Variants in DAB1 observed in about 807,000 individuals in gnomAD.
The protein encoded by DAB1 is disabled homolog 1.
A neutral mutation model predicts 64.6 loss-of-function variants in DAB1; 15 were observed. The observed-to-expected ratio is 0.23, with a 90% confidence interval of 0.16 to 0.36. DAB1 has a LOEUF of 0.36. Among genes scored for constraint, DAB1 ranks in the 10% least tolerant of loss-of-function variants. DAB1 has a pLI of 1.00. For synonymous variants in DAB1, 235 were observed against 251.9 expected, an observed-to-expected ratio of 0.93 and a Z score of 0.64; for missense variants, 596 against 706.7, an observed-to-expected ratio of 0.84 and a Z score of 1.78.
intron 3 of DAB1, among the ~76,000 whole-genome samples, chr1:58,475,728 C>T (rs1239465634): frequency 6.6e-6 from 1 of 152,138 alleles, no homozygotes; most frequent in East Asian, 1.9e-4. Context: ...AAAGCATATA[C>T]ACGTTACTAT....
At chr1:57,994,870 G>A (rs933714943) in intron 5 of DAB1, among the ~76,000 whole-genome samples, 1 of 145,696 alleles carries the variant, frequency 6.9e-6, no homozygotes, top group Non-Finnish European at 1.5e-5. Flanking sequence ...AAGTGAAGCA[G>A]ACTTGTAATG....
intron 6 of DAB1, among the ~76,000 whole-genome samples, chr1:57,662,608 T>C (rs570614877): frequency 6.6e-6 from 1 of 152,212 alleles, no homozygotes; most frequent in Non-Finnish European, 1.5e-5. Context: ...AAAGCACATT[T>C]AGCATTAGGC....
chr1:57,659,029 C>T (rs1053353277), intron 6 of DAB1, among the ~76,000 whole-genome samples: 1 of 152,168 alleles, frequency 6.6e-6, no homozygotes, highest in African/African-American at 2.4e-5. Flanking sequence ...ATGAAACACC[C>T]TGTCTGTGGA....
rs138987908 is a variant in DAB1 at position 57,698,464 on chromosome 1, A to T, written n.552-48799T>A. Among the ~76,000 whole-genome samples the T allele has an allele frequency of 4.3e-4, 66 of 152,036 alleles. 1 individual carries two copies. The East Asian group carries it at 0.012, about 28-fold the overall frequency. On this transcript the variant is annotated intron_variant and non_coding_transcript_variant, in intron 6 of 20. Transcript: ENST00000485760. The stretch of plus-strand genomic sequence containing the variant: ...AACTAATGCTTTCTGCTCCTTGTGG[A>T]TTTTTTTTAGGGAGCGGCTTCATGT...
intron 1 of DAB1, among the ~76,000 whole-genome samples, chr1:57,827,640 A>C (rs374124074): frequency 2.0e-5 from 3 of 152,184 alleles, no homozygotes; most frequent in East Asian, 3.9e-4. Context: ...CTATAATGAT[A>C]ATGGGGAGGA....
rs772989513 is a variant in DAB1, at chr1:57,207,446, C to CTTTTTTTTTTTTTTTTTTTTTTT, written c.68-62018_68-62017insAAAAAAAAAAAAAAAAAAAAAAA. Among the ~76,000 whole-genome samples, 86 of 98,428 alleles carry CTTTTTTTTTTTTTTTTTTTTTTT rather than the reference C, an allele frequency of 8.7e-4. 16 individuals are homozygous for CTTTTTTTTTTTTTTTTTTTTTTT. The highest frequency in any genetic ancestry group is 2.4e-3 in the Admixed American group (20 of 8,244). 64.6% of individuals were successfully genotyped at this position (98,428 alleles called of 152,430 possible). The stretch of plus-strand genomic sequence containing the variant: ...CTGTAATTCATACCTTATTTCCTTT[C>CTTTTTTTTTTTTTTTTTTTTTTT]TTTTTTTTTTTTTTTGAGATGGAGT... On this transcript the variant is annotated intron_variant, in intron 2 of 14. Transcript: ENST00000371236.
intron 6 of DAB1, among the ~76,000 whole-genome samples, chr1:57,732,731 T>C (rs184049469): frequency 2.5e-4 from 38 of 152,122 alleles, no homozygotes; most frequent in Admixed American, 6.5e-4. Flanking sequence ...CAGGACAAAG[T>C]GAAGGTAGAA....
intron 4 of DAB1, among the ~76,000 whole-genome samples, chr1:58,216,665 A>G (rs891317580): frequency 6.6e-6 from 1 of 152,172 alleles, no homozygotes; most frequent in Non-Finnish European, 1.5e-5. Flanking sequence ...AAGCATTCCT[A>G]TTTCTCCACA....
chr1:57,834,187 C>T (rs1652708703), intron 1 of DAB1, among the ~76,000 whole-genome samples: 1 of 152,048 alleles, frequency 6.6e-6, no homozygotes, highest in Admixed American at 6.6e-5. Context: ...GCAGTAAATT[C>T]ACAGTTTTGT....
chr1:58,470,916 C>G (rs182916673), intron 3 of DAB1, among the ~76,000 whole-genome samples: 1 of 152,108 alleles, frequency 6.6e-6, no homozygotes, highest in African/African-American at 2.4e-5. Flanking sequence ...GACTTGGATC[C>G]AGGCAGAATC....
At chr1:58,310,433 T>A (rs1374660909) in intron 4 of DAB1, among the ~76,000 whole-genome samples, 1 of 152,200 alleles carries the variant, frequency 6.6e-6, no homozygotes, top group Non-Finnish European at 1.5e-5. Flanking sequence ...ATAATGTGTG[T>A]AGATTTTTCA....
Position 57,677,699 on chromosome 1 carries a change from C to A in DAB1, n.552-28034G>T, listed in dbSNP as rs186876945. ...TAGAATTAATTAGAGATATTCACTG[C>A]AATTATTATAGAAATCAGAGGCATG... On this transcript the variant is annotated intron_variant and non_coding_transcript_variant, in intron 6 of 20. Transcript: ENST00000485760. Among the ~76,000 whole-genome samples, 4 of 152,212 alleles carry A rather than the reference C, an allele frequency of 2.6e-5. No homozygotes were observed. The East Asian group carries it at 7.7e-4, about 29-fold the overall frequency.
At chr1:57,076,051 C>T (rs771651163) in intron 4 of DAB1, among the ~76,000 whole-genome samples, 6 of 152,134 alleles carry the variant, frequency 3.9e-5, no homozygotes, top group Non-Finnish European at 5.9e-5. Context: ...AGAAAAAGGT[C>T]AAGACAGCAT....
At chr1:58,022,658 A>C (rs984894995) in intron 5 of DAB1, among the ~76,000 whole-genome samples, 11 of 152,214 alleles carry the variant, frequency 7.2e-5, no homozygotes, top group Non-Finnish European at 1.5e-4. Context: ...CCTTAAAATA[A>C]AATCAATTAC....
chr1:57,729,290 G>A (rs1055951241), intron 6 of DAB1, among the ~76,000 whole-genome samples: 3 of 152,220 alleles, frequency 2.0e-5, no homozygotes, highest in East Asian at 1.9e-4. Context: ...TTCCTCTGCC[G>A]TCCATGCTGG....
At chr1:57,599,009 T>A (rs1219657096) in intron 7 of DAB1, among the ~76,000 whole-genome samples, 1 of 152,074 alleles carries the variant, frequency 6.6e-6, no homozygotes, top group East Asian at 1.9e-4. Flanking sequence ...TAAGCCTTTC[T>A]CCTGAGTCCC....
intron 6 of DAB1, among the ~76,000 whole-genome samples, chr1:57,797,513 T>G (rs934998973): frequency 6.6e-6 from 1 of 152,268 alleles, no homozygotes; most frequent in African/African-American, 2.4e-5. Flanking sequence ...CTTAGAACAC[T>G]ACTCTTACCT....
chr1:58,268,482 T>C (rs1661229243), intron 4 of DAB1, among the ~76,000 whole-genome samples: 1 of 152,166 alleles, frequency 6.6e-6, no homozygotes, highest in Admixed American at 6.6e-5. Flanking sequence ...AGAAGGAACA[T>C]TTCAAGTCCT....
intron 7 of DAB1, among the ~76,000 whole-genome samples, chr1:57,642,187 T>C (rs956244022): frequency 2.0e-5 from 3 of 152,120 alleles, no homozygotes; most frequent in Non-Finnish European, 2.9e-5. Context: ...CTCAGTACCA[T>C]AGGAAAATGT....
Sources: gnomAD v4.1 joint callset for allele counts (sites outside exome capture counted in the v4.1 genomes callset) on GRCh38, gnomAD v4.1.1 for gene constraint, MANE v1.5 for transcripts, NCBI Gene and HGNC (gene_info 2026-07-23, HGNC 2026-07-21) for gene names.